CYP2C19: variants seen among roughly 807,000 people sequenced by gnomAD.
CYP2C19 encodes the protein cytochrome P450 family 2 subfamily C member 19.
Under a neutral mutation model 40.9 loss-of-function variants are expected in CYP2C19, and 59 were observed. The observed-to-expected ratio is 1.44, with a 90% CI of 1.17 to 1.79. The LOEUF is 1.79. Among genes scored for constraint, CYP2C19 ranks in the 40% most tolerant of loss-of-function variants. The pLI, the probability that CYP2C19 is intolerant of heterozygous loss-of-function variation, is 0.00. For synonymous variants in CYP2C19, 253 were observed against 208.7 expected (o/e 1.21, Z -1.83); for missense variants, 754 against 596.9 (o/e 1.26, Z -2.74).
chr10:94,852,920 C>A lies in CYP2C19; in HGVS notation c.*6C>A. ...TGTGCTTCATTCCTGTCTGAAGAAG[C>A]ACAGATGGTCTGGCTGCTCCTGTGC... On this transcript the variant is annotated 3_prime_UTR_variant, in exon 9 of 9. Transcript: ENST00000371321. The A allele has an allele frequency of 2.5e-6, 4 of 1,613,816 alleles. No individual in the cohort carries two copies. The highest frequency in any genetic ancestry group is 3.4e-6 in the Non-Finnish European group (4 of 1,179,796).
chr10:94,793,933 G>A (rs191326341), intron 5 of CYP2C19, among the ~76,000 whole-genome samples: 3 of 152,224 alleles, frequency 2.0e-5, no homozygotes, highest in Admixed American at 2.0e-4. Flanking sequence ...GCTGCCTTTT[G>A]TTCAGCTATG....
chr10:94,810,744 A>T (rs113018075), intron 5 of CYP2C19, among the ~76,000 whole-genome samples: 7,196 of 151,850 alleles, frequency 0.047, 225 homozygotes, highest in South Asian at 0.12. Context: ...CCCCTTTATC[A>T]TTTTTTTGTT....
At chr10:94,776,828 T>C (rs987969906) in intron 3 of CYP2C19, among the ~76,000 whole-genome samples, 6 of 152,028 alleles carry the variant, frequency 3.9e-5, no homozygotes, top group Non-Finnish European at 8.8e-5. Flanking sequence ...AAGAAATAAA[T>C]GGTATTGAAA....
chr10:94,781,495 G>C (rs1848477858), intron 4 of CYP2C19, among the ~76,000 whole-genome samples: 1 of 152,064 alleles, frequency 6.6e-6, no homozygotes. Context: ...TGTTAATGTA[G>C]TAATTCATAC....
chr10:94,842,423 ATTAATAGGT>A (rs1849510089), intron 6 of CYP2C19, among the ~76,000 whole-genome samples: 1 of 119,766 alleles, frequency 8.3e-6, no homozygotes, highest in Non-Finnish European at 1.7e-5. Flanking sequence ...TAGGCAACAG[ATTAATAGGT>A]CTTGTTTCTT....
At chr10:94,786,209 T>C (rs1482580182) in intron 5 of CYP2C19, among the ~76,000 whole-genome samples, 1 of 152,138 alleles carries the variant, frequency 6.6e-6, no homozygotes, top group Non-Finnish European at 1.5e-5. Context: ...CCAGGTAATG[T>C]AGCTGCTTCA....
Position 94,780,519 on chromosome 10 carries a change from T to C in CYP2C19, c.502T>C (p.Phe168Leu), listed in dbSNP as rs28399510. ...KTKASPCDPT[F>L]ILGCAPCNVI... The stretch of plus-strand genomic sequence containing the variant: ...TTTAGCTTCACCCTGTGATCCCACT[T>C]TCATCCTGGGCTGTGCTCCCTGCAA... The change falls in exon 4 of 9, where the codon TTC becomes CTC. Residue 168 changes from phenylalanine (F) to leucine (L), a missense_variant. Transcript: ENST00000371321. The C allele has an allele frequency of 2.5e-6, 4 of 1,613,612 alleles. No homozygotes were observed. The highest frequency in any genetic ancestry group is 2.7e-5 in the African/African-American group (2 of 74,924).
intron 5 of CYP2C19, among the ~76,000 whole-genome samples, chr10:94,809,062 G>C (rs1404029833): frequency 2.6e-5 from 4 of 152,130 alleles, no homozygotes; most frequent in Non-Finnish European, 5.9e-5. Context: ...AAATATATGA[G>C]GGTTCCTTTT....
chr10:94,772,927 G>A (rs995348086), intron 1 of CYP2C19, among the ~76,000 whole-genome samples: 12 of 152,254 alleles, frequency 7.9e-5, no homozygotes, highest in Non-Finnish European at 1.0e-4. Flanking sequence ...GACTACAGGC[G>A]CCCGCCACCG....
chr10:94,824,740 T>C (rs1449777338), intron 6 of CYP2C19, among the ~76,000 whole-genome samples: 2 of 151,928 alleles, frequency 1.3e-5, no homozygotes, highest in Admixed American at 6.6e-5. Context: ...TGTGCCATGC[T>C]GGTGCACGGC....
At chr10:94,837,832 G>T (rs966753659) in intron 6 of CYP2C19, among the ~76,000 whole-genome samples, 2 of 147,490 alleles carry the variant, frequency 1.4e-5, no homozygotes, top group East Asian at 4.0e-4. Flanking sequence ...CTGGTTAGTG[G>T]CTTCTGACTC....
chr10:94,849,048 T>C (rs1430902025), intron 7 of CYP2C19, among the ~76,000 whole-genome samples: 1 of 152,198 alleles, frequency 6.6e-6, no homozygotes, highest in African/African-American at 2.4e-5. Context: ...CTTCATCTTT[T>C]CCTAATTGAA....
chr10:94,796,863 G>T (rs1848696246), intron 5 of CYP2C19, among the ~76,000 whole-genome samples: 1 of 152,152 alleles, frequency 6.6e-6, no homozygotes, highest in South Asian at 2.1e-4. Flanking sequence ...CTTTACTGAA[G>T]TTGCTTATCA....
chr10:94,808,885 T>C (rs1451129827), intron 5 of CYP2C19, among the ~76,000 whole-genome samples: 1 of 152,196 alleles, frequency 6.6e-6, no homozygotes, highest in Non-Finnish European at 1.5e-5. Context: ...TAAACAGTGC[T>C]GAAACAAACA....
At chr10:94,811,479 G>A (rs557500332) in intron 5 of CYP2C19, among the ~76,000 whole-genome samples, 1 of 152,110 alleles carries the variant, frequency 6.6e-6, no homozygotes, top group East Asian at 1.9e-4. Context: ...TTGACAGTGG[G>A]GTGTTAAAGC....
chr10:94,844,643 A>G (rs1273507081), intron 7 of CYP2C19, among the ~76,000 whole-genome samples: 1 of 152,202 alleles, frequency 6.6e-6, no homozygotes. Flanking sequence ...TACTAATGTC[A>G]CTTTTTGAAG....
intron 3 of CYP2C19, chr10:94,776,523 A>G (rs1589347452): frequency 6.6e-6 from 1 of 152,194 alleles, no homozygotes; most frequent in Non-Finnish European, 1.5e-5. Context: ...TGAATGATAC[A>G]CACACACTCA....
chr10:94,775,245 G>C (rs779131007), intron 2 of CYP2C19, 25 bp downstream of exon 2: 5 of 1,613,944 alleles, frequency 3.1e-6, no homozygotes, highest in Middle Eastern at 3.4e-4. Context: ...GCCTGTTTCA[G>C]CATCTGTCTT....
intron 8 of CYP2C19, among the ~76,000 whole-genome samples, chr10:94,852,349 C>T (rs1849666107): frequency 6.6e-6 from 1 of 152,176 alleles, no homozygotes; most frequent in African/African-American, 2.4e-5. Context: ...ATGTGAGCCT[C>T]CTCCCCTAAG....
Sources: gnomAD v4.1 joint callset for allele counts (sites outside exome capture counted in the v4.1 genomes callset) on GRCh38, gnomAD v4.1.1 for gene constraint, MANE v1.5 for transcripts, NCBI Gene and HGNC (gene_info 2026-07-23, HGNC 2026-07-21) for gene names.